Variants in DICER1 observed in about 807,000 individuals in gnomAD.
DICER1 encodes the protein dicer 1, ribonuclease III, also known as endoribonuclease Dicer.
DICER1 carries 43 observed loss-of-function variants against 194.1 expected under a neutral mutation model. The ratio of observed to expected loss-of-function variants is 0.22; its 90% CI spans 0.17 to 0.29. DICER1 has a LOEUF of 0.29. Among genes scored for constraint, DICER1 ranks in the 10% least tolerant of loss-of-function variants. The pLI is 1.00. For synonymous variants in DICER1, 832 were observed against 820.5 expected (o/e 1.01, Z -0.24); for missense variants, 1,608 against 2,317.0 (o/e 0.69, Z 6.28).
intron 6 of DICER1, 100 bp downstream of exon 6, chr14:95,129,372 A>T: frequency 1.8e-6 from 2 of 1,124,186 alleles, no homozygotes; most frequent in Non-Finnish European, 2.7e-6. Context: ...CCATTTGTTC[A>T]CTTAAATAGG....
rs7158095 is a variant in DICER1, at chr14:95,088,189, T to C, written c.*2309A>G. On this transcript the variant is annotated 3_prime_UTR_variant, in exon 27 of 27. Transcript: ENST00000343455. ...AAACATTTGAATGGTAGAAGGAAATTTGAACCCCTGAGAATGTATGACCTA... is the reference window on the plus strand; with the variant it reads ...AAACATTTGAATGGTAGAAGGAAATCTGAACCCCTGAGAATGTATGACCTA... 5,651 of 232,638 alleles carry C rather than the reference T, an allele frequency of 0.024. 344 individuals are homozygous for C. Among genetic ancestry groups the C allele is most frequent in the African/African-American group, 0.12 (5,302 of 45,350 alleles). 14.4% of individuals were successfully genotyped at this position (232,638 alleles called of 1,614,324 possible).
intron 23 of DICER1, among the ~76,000 whole-genome samples, chr14:95,095,011 T>C (rs771489624): frequency 1.4e-4 from 21 of 152,212 alleles, no homozygotes; most frequent in Non-Finnish European, 2.5e-4. Context: ...AAAATTAGGC[T>C]TTAGTTTCAT....
intron 23 of DICER1, among the ~76,000 whole-genome samples, chr14:95,095,000 G>A (rs890744733): frequency 2.6e-5 from 4 of 152,170 alleles, no homozygotes; most frequent in African/African-American, 4.8e-5. Flanking sequence ...CCTCCATAAC[G>A]AAAATTAGGC....
At chr14:95,113,874 T>G (rs989051173) in intron 11 of DICER1, among the ~76,000 whole-genome samples, 1 of 152,210 alleles carries the variant, frequency 6.6e-6, no homozygotes, top group Non-Finnish European at 1.5e-5. Flanking sequence ...CTGACCACAG[T>G]TGCAGCCCTA....
chr14:95,134,412 G>A (rs1284213011), intron 1 of DICER1: 1 of 152,122 alleles, frequency 6.6e-6, no homozygotes, highest in Non-Finnish European at 1.5e-5. Context: ...GCCTACCACT[G>A]GCTTTACTGT....
At chr14:95,126,963 A>C (rs1056998618) in intron 6 of DICER1, among the ~76,000 whole-genome samples, 1 of 152,154 alleles carries the variant, frequency 6.6e-6, no homozygotes, top group Non-Finnish European at 1.5e-5. Flanking sequence ...TTTATAAACC[A>C]GTAAAGTGTT....
chr14:95,108,271 C>A (rs752457801), intron 15 of DICER1, 53 bp downstream of exon 15: 5 of 1,458,096 alleles, frequency 3.4e-6, no homozygotes, highest in Non-Finnish European at 4.7e-6. Flanking sequence ...TTTTTTTTTT[C>A]CTTTTCCTAA....
intron 1 of DICER1, among the ~76,000 whole-genome samples, chr14:95,149,490 T>G (rs1895370479): frequency 6.6e-6 from 1 of 151,988 alleles, no homozygotes; most frequent in Admixed American, 6.6e-5. Context: ...TTTAGTCCCC[T>G]CCCCTCTCAT....
intron 9 of DICER1, 105 bp from the exon 10 acceptor site, chr14:95,116,800 C>T (rs894952319): frequency 1.7e-6 from 2 of 1,163,644 alleles, no homozygotes; most frequent in Non-Finnish European, 1.3e-6. Flanking sequence ...GACACACATG[C>T]TCTTGGGCAT....
intron 1 of DICER1, among the ~76,000 whole-genome samples, chr14:95,146,456 C>A (rs932208929): frequency 1.3e-5 from 2 of 152,210 alleles, no homozygotes; most frequent in African/African-American, 2.4e-5. Flanking sequence ...CAGGACCCAG[C>A]CACACTGGGG....
rs769062484 is a variant in DICER1 at position 95,130,028 on chromosome 14, G to A, written c.573+30C>T. The A allele has an allele frequency of 1.6e-5, 26 of 1,606,732 alleles. No individual in the cohort carries two copies. In the South Asian group the frequency reaches 1.8e-4, roughly 11 times the overall value. On this transcript the variant is annotated intron_variant, in intron 5 of 26. Transcript: ENST00000343455. ...CTGCATTTACTCAATAGTTTACCAA[G>A]AATTACTAAGACTTAGGTCTAAAAC...
rs1316149579 is a variant in DICER1 at position 95,103,823 on chromosome 14, T to G, written c.3573A>C (p.Leu1191Phe). ...TTCCTTGGCAAAAGTCTCTGTTAGCTAAATCATAACTGCCATTGGCGAGAT... is the reference window on the plus strand; with the variant it reads ...TTCCTTGGCAAAAGTCTCTGTTAGCGAAATCATAACTGCCATTGGCGAGAT... ...NQNLANGSYDLANRDFCQGNQ... is the reference protein window; with the variant it reads ...NQNLANGSYDFANRDFCQGNQ... The change falls in exon 21 of 27, where the codon TTA becomes TTC. Residue 1191 changes from leucine (L) to phenylalanine (F), a missense_variant. Coordinates refer to ENST00000343455, the MANE Select transcript of DICER1 (RefSeq NM_177438.3). 6.2e-7 allele frequency: 1 copy of G among 1,614,116 alleles called. No homozygotes were observed. The highest frequency in any genetic ancestry group is 1.7e-5 in the Admixed American group (1 of 60,008).
intron 5 of DICER1, among the ~76,000 whole-genome samples, 195 bp downstream of exon 5, chr14:95,129,863 T>C (rs907427643): frequency 3.9e-5 from 6 of 152,206 alleles, no homozygotes; most frequent in African/African-American, 1.2e-4. Context: ...ATGAAAATTA[T>C]ATAGAATTTA....
chr14:95,143,429 C>A (rs1894942811), intron 1 of DICER1, among the ~76,000 whole-genome samples: 2 of 151,966 alleles, frequency 1.3e-5, no homozygotes, highest in Non-Finnish European at 2.9e-5. Flanking sequence ...AAATTTAAGT[C>A]TCTAGTCTTA....
intron 1 of DICER1, among the ~76,000 whole-genome samples, chr14:95,143,556 A>C (rs1488609252): frequency 6.6e-6 from 1 of 152,156 alleles, no homozygotes; most frequent in Non-Finnish European, 1.5e-5. Flanking sequence ...TCCAAAATGT[A>C]AAACCTACCT....
At position 95,134,080 on chromosome 14, in the gene DICER1, T is replaced by G. The variant is rs547942144; in HGVS notation, c.-45-577A>C. The stretch of plus-strand genomic sequence containing the variant: ...TATGGAAGGCACTTAGCACTGTGCC[T>G]GCACCACGAAAGATTTAGACACCTG... On this transcript the variant is annotated intron_variant, in intron 1 of 26. Coordinates refer to ENST00000343455, the MANE Select transcript of DICER1 (RefSeq NM_177438.3). 9.3e-4 allele frequency among the ~76,000 whole-genome samples: 142 copies of G among 152,328 alleles called. 1 individual carries two copies. The South Asian group carries it at 0.028, about 30-fold the overall frequency.
intron 9 of DICER1, among the ~76,000 whole-genome samples, chr14:95,117,077 T>C (rs1892539337): frequency 6.6e-6 from 1 of 152,216 alleles, no homozygotes; most frequent in Non-Finnish European, 1.5e-5. Context: ...AAACTTTAAA[T>C]AGGTTTTTGT....
In DICER1 at chr14:95,089,318, G is replaced by A. The variant is rs528282193; in HGVS notation, c.*1180C>T. 16 of 232,492 alleles carry A rather than the reference G, an allele frequency of 6.9e-5. No homozygotes were observed. Among genetic ancestry groups the A allele is most frequent in the East Asian group, 1.2e-4 (2 of 16,506 alleles). The allele number at this position is 232,492 out of a possible 1,614,324, so 14.4% of individuals were successfully genotyped here. On this transcript the variant is annotated 3_prime_UTR_variant, in exon 27 of 27. Transcript: ENST00000343455. ...TTTATCGCAAACGTTAAACTTTCAC[G>A]GCATTAACAGCACAGCTTTGGTAGG...
At chr14:95,132,308 C>G (rs1894016506) in intron 3 of DICER1, among the ~76,000 whole-genome samples, 1 of 152,132 alleles carries the variant, frequency 6.6e-6, no homozygotes, top group Non-Finnish European at 1.5e-5. Flanking sequence ...AAAAGCAATC[C>G]ATTCAAAAGA....
Sources: allele counts gnomAD v4.1 joint callset (sites outside exome capture counted in the v4.1 genomes callset), GRCh38; gene constraint gnomAD v4.1.1; transcripts MANE v1.5; gene names NCBI Gene and HGNC (gene_info 2026-07-23, HGNC 2026-07-21).